The following FOXP1 variants were observed in gnomAD, a reference collection of about 807,000 sequenced individuals.
FOXP1 encodes forkhead box P1.
Under a neutral mutation model 98.2 loss-of-function variants are expected in FOXP1, and 15 were observed. The observed-to-expected ratio is 0.15, with a 90% CI of 0.10 to 0.24. The LOEUF (loss-of-function observed/expected upper bound fraction) is 0.24. Among genes scored for constraint, FOXP1 ranks in the 10% least tolerant of loss-of-function variants. The probability of loss-of-function intolerance (pLI) is 1.00; values close to 1 mark genes in which losing one functional copy is unlikely to be tolerated. For missense variants in FOXP1, 633 were observed against 848.5 expected, an observed-to-expected ratio of 0.75 and a Z score of 3.15; for synonymous variants, 371 against 314.5, an observed-to-expected ratio of 1.18 and a Z score of -1.90.
chr3:71,002,565 G>A (rs1559688961), intron 12 of FOXP1, among the ~76,000 whole-genome samples: 1 of 152,224 alleles, frequency 6.6e-6, no homozygotes, highest in South Asian at 2.1e-4. Context: ...AAAGAAGCAT[G>A]TTGTAATTGA....
chr3:71,536,833 A>C (rs1050231802), intron 2 of FOXP1, among the ~76,000 whole-genome samples: 5 of 152,144 alleles, frequency 3.3e-5, no homozygotes, highest in Non-Finnish European at 7.4e-5. Flanking sequence ...TCCCACCCCC[A>C]CAGAGTGTGG....
At chr3:71,014,933 T>C (rs138054365) in intron 12 of FOXP1, among the ~76,000 whole-genome samples, 4,776 of 151,748 alleles carry the variant, frequency 0.031, 97 homozygotes, top group Middle Eastern at 0.075. Context: ...TAGGTGGGAA[T>C]TGAACGATGA....
chr3:71,430,626 C>G lies in FOXP1; in HGVS notation c.-168+62800G>C, dbSNP rs189592035. ...TTATTTAACCTGCTTTGATTTAAAA[C>G]AACATTGAATTTTAAATTTTCAATC... On this transcript the variant is annotated intron_variant, in intron 3 of 20. Coordinates refer to ENST00000649528, the MANE Select transcript of FOXP1 (RefSeq NM_001349338.3). 4.4e-3 allele frequency among the ~76,000 whole-genome samples: 673 copies of G among 152,206 alleles called. 4 individuals are homozygous for G. Among genetic ancestry groups the G allele is most frequent in the Non-Finnish European group, 5.6e-3 (383 of 68,010 alleles).
intron 2 of FOXP1, among the ~76,000 whole-genome samples, chr3:71,507,874 G>C (rs750626256): frequency 1.3e-4 from 20 of 152,182 alleles, no homozygotes; most frequent in Non-Finnish European, 2.1e-4. Flanking sequence ...ACAATACCCA[G>C]CCCAAAACTG....
chr3:71,022,232 G>T (rs1322586340), intron 11 of FOXP1, among the ~76,000 whole-genome samples: 1 of 151,998 alleles, frequency 6.6e-6, no homozygotes, highest in African/African-American at 2.4e-5. Flanking sequence ...TTTGATAAAA[G>T]TATCAAACCA....
intron 3 of FOXP1, among the ~76,000 whole-genome samples, chr3:71,378,696 T>G (rs944211420): frequency 5.9e-5 from 9 of 151,698 alleles, no homozygotes; most frequent in Non-Finnish European, 1.5e-5. Flanking sequence ...TTTAAATAAA[T>G]TAAATATATA....
At chr3:71,569,778 C>A (rs2047191405) in intron 2 of FOXP1, among the ~76,000 whole-genome samples, 1 of 151,802 alleles carries the variant, frequency 6.6e-6, no homozygotes, top group African/African-American at 2.4e-5. Flanking sequence ...AAATCAGTCT[C>A]CACTTTCTTT....
intron 6 of FOXP1, among the ~76,000 whole-genome samples, chr3:71,150,610 T>C (rs1280663187): frequency 6.6e-6 from 1 of 152,136 alleles, no homozygotes; most frequent in Non-Finnish European, 1.5e-5. Flanking sequence ...AACATCTTTT[T>C]ACATTCTCTA....
intron 2 of FOXP1, among the ~76,000 whole-genome samples, chr3:71,496,156 C>G (rs976760789): frequency 6.6e-5 from 10 of 152,152 alleles, no homozygotes; most frequent in Admixed American, 6.5e-4. Flanking sequence ...ACAAAACAAA[C>G]ATGTTGCAAT....
In FOXP1 at chr3:71,012,684, A is replaced by G. The variant is rs1394262474; in HGVS notation, c.974+2865T>C. Among the ~76,000 whole-genome samples, 5 of 152,258 alleles carry G rather than the reference A, an allele frequency of 3.3e-5. 1 individual carries two copies. The East Asian group carries it at 7.7e-4, about 24-fold the overall frequency. ...AGGATGGCTTTATTACAATATTTGTATCGGGTCCATAAAGATAGATACAGA... is the reference window on the plus strand; with the variant it reads ...AGGATGGCTTTATTACAATATTTGTGTCGGGTCCATAAAGATAGATACAGA... On this transcript the variant is annotated intron_variant, in intron 12 of 20. Transcript: ENST00000649528.
intron 1 of FOXP1, chr3:71,581,906 AG>A (rs1238811135): frequency 3.0e-6 from 3 of 983,908 alleles, no homozygotes; most frequent in South Asian, 4.7e-5. Context: ...AATCGGCCCG[AG>A]CCAAAGTCTC....
At chr3:71,120,087 A>G (rs923687108) in intron 6 of FOXP1, among the ~76,000 whole-genome samples, 3 of 152,272 alleles carry the variant, frequency 2.0e-5, no homozygotes, top group Non-Finnish European at 4.4e-5. Context: ...TCATTGAGTC[A>G]GGTTATTGGT....
intron 13 of FOXP1, among the ~76,000 whole-genome samples, chr3:70,995,289 A>G (rs868671341): frequency 6.6e-6 from 1 of 152,070 alleles, no homozygotes; most frequent in Non-Finnish European, 1.5e-5. Context: ...TGGCCATGGC[A>G]TTTCTCAGTG....
intron 2 of FOXP1, among the ~76,000 whole-genome samples, chr3:71,513,937 T>C (rs901082950): frequency 1.6e-4 from 24 of 152,234 alleles, no homozygotes; most frequent in African/African-American, 5.3e-4. Context: ...GCCAGTGAGC[T>C]TTCTTTCCAT....
rs1016750827 is a variant in FOXP1 at position 71,337,325 on chromosome 3, C to T, written c.-73+21825G>A. Among the ~76,000 whole-genome samples the T allele has an allele frequency of 4.9e-4, 74 of 152,224 alleles. 1 individual carries two copies. In the South Asian group the frequency reaches 7.5e-3, roughly 15 times the overall value. On this transcript the variant is annotated intron_variant, in intron 4 of 20. Transcript: ENST00000649528. ...CAGTAGCCACATATGGCTATTAAAA[C>T]GGAAATTTAAAATTAGGTAAAATTT...
intron 5 of FOXP1, among the ~76,000 whole-genome samples, chr3:71,200,866 G>A (rs541200081): frequency 7.7e-4 from 117 of 152,176 alleles, no homozygotes; most frequent in African/African-American, 2.8e-3. Flanking sequence ...AAAACCAAAT[G>A]GAAAAATTAA....
intron 2 of FOXP1, among the ~76,000 whole-genome samples, chr3:71,562,549 T>C (rs555817281): frequency 1.3e-5 from 2 of 152,150 alleles, no homozygotes; most frequent in African/African-American, 4.8e-5. Flanking sequence ...GCTAATATTA[T>C]TGACCTTTCA....
chr3:71,516,568 G>A (rs1165359061), intron 2 of FOXP1, among the ~76,000 whole-genome samples: 2 of 152,116 alleles, frequency 1.3e-5, no homozygotes, highest in Non-Finnish European at 2.9e-5. Flanking sequence ...GCTGTAGGCC[G>A]GGTGTGGTGG....
Position 71,529,761 on chromosome 3 carries a change from C to T in FOXP1, c.-297-36206G>A, listed in dbSNP as rs563753612. 7.7e-4 allele frequency among the ~76,000 whole-genome samples: 117 copies of T among 152,290 alleles called. 1 individual carries two copies. The highest frequency in any genetic ancestry group is 2.6e-3 in the African/African-American group (109 of 41,556). ...GTTGCCACCTCCAGAGAAGGCATGGCATCTCCTTGCCCCTTCCTACATACC... is the reference window on the plus strand; with the variant it reads ...GTTGCCACCTCCAGAGAAGGCATGGTATCTCCTTGCCCCTTCCTACATACC... On this transcript the variant is annotated intron_variant, in intron 2 of 20. Coordinates refer to ENST00000649528, the MANE Select transcript of FOXP1 (RefSeq NM_001349338.3).
Sources: allele counts gnomAD v4.1 joint callset (sites outside exome capture counted in the v4.1 genomes callset), GRCh38; gene constraint gnomAD v4.1.1; transcripts MANE v1.5; gene names NCBI Gene and HGNC (gene_info 2026-07-23, HGNC 2026-07-21).